ADGRL2: variants seen among roughly 807,000 people sequenced by gnomAD.
ADGRL2 encodes adhesion G protein-coupled receptor L2, also known as calcium-independent alpha-latrotoxin receptor 2.
Under a neutral mutation model 157.4 loss-of-function variants are expected in ADGRL2, and 44 were observed. The ratio of observed to expected loss-of-function variants is 0.28; its 90% CI spans 0.22 to 0.36. The LOEUF is 0.36. ADGRL2 is among the 10% of genes least tolerant of loss of function. The pLI, the probability that ADGRL2 is intolerant of heterozygous loss-of-function variation, is 1.00. For synonymous variants in ADGRL2, 585 were observed against 624.7 expected, an observed-to-expected ratio of 0.94 and a Z score of 0.95; for missense variants, 1,510 against 1,768.9, an observed-to-expected ratio of 0.85 and a Z score of 2.63.
At chr1:81,566,415 T>C (rs1215306573) in intron 2 of ADGRL2, among the ~76,000 whole-genome samples, 2 of 152,174 alleles carry the variant, frequency 1.3e-5, no homozygotes, top group Non-Finnish European at 2.9e-5. Context: ...AATAAAGTGA[T>C]GATTTATACT....
chr1:81,854,389 G>C (rs2093128294), intron 2 of ADGRL2, among the ~76,000 whole-genome samples: 2 of 152,150 alleles, frequency 1.3e-5, no homozygotes, highest in South Asian at 2.1e-4. Context: ...GGGAAAGACA[G>C]AAAGTATAAT....
At chr1:81,597,006 C>T (rs2081247683) in intron 3 of ADGRL2, among the ~76,000 whole-genome samples, 1 of 151,980 alleles carries the variant, frequency 6.6e-6, no homozygotes, top group African/African-American at 2.4e-5. Flanking sequence ...AAAATTCTAC[C>T]AAATAAGTAT....
intron 2 of ADGRL2, among the ~76,000 whole-genome samples, chr1:81,566,086 T>G (rs1200945785): frequency 1.3e-5 from 2 of 152,296 alleles, no homozygotes; most frequent in African/African-American, 4.8e-5. Context: ...ACATATTCTA[T>G]TTTTAGTAAT....
intron 2 of ADGRL2, among the ~76,000 whole-genome samples, chr1:81,473,935 G>A (rs533852232): frequency 9.9e-5 from 15 of 152,242 alleles, no homozygotes; most frequent in Non-Finnish European, 2.1e-4. Flanking sequence ...GGTATGTGGA[G>A]TTGAGTGTCC....
At chr1:81,815,589 TTATTAG>T (rs1557696115) in intron 1 of ADGRL2, among the ~76,000 whole-genome samples, 1 of 151,796 alleles carries the variant, frequency 6.6e-6, no homozygotes, top group African/African-American at 2.4e-5. Flanking sequence ...ATCAGAGTCT[TTATTAG>T]TATTATTACT....
chr1:81,337,132 C>T (rs1036843368), intron 1 of ADGRL2, among the ~76,000 whole-genome samples: 4 of 152,182 alleles, frequency 2.6e-5, no homozygotes, highest in Non-Finnish European at 4.4e-5. Flanking sequence ...TTCCAGCTCT[C>T]CATCCCTTCC....
Position 81,447,164 on chromosome 1 carries a change from T to G in ADGRL2, c.-248+2075T>G, listed in dbSNP as rs140213901. On this transcript the variant is annotated intron_variant, in intron 2 of 24. Transcript: ENST00000370721. ...CATATATTAATAATAGGTTATTTATTGAAGGAAAAAAGTCATTATAATAGA... is the reference window on the plus strand; with the variant it reads ...CATATATTAATAATAGGTTATTTATGGAAGGAAAAAAGTCATTATAATAGA... Among the ~76,000 whole-genome samples the G allele has an allele frequency of 5.3e-5, 8 of 150,904 alleles. No individual in the cohort carries two copies. In the East Asian group the frequency reaches 1.5e-3, roughly 29 times the overall value.
At chr1:81,387,537 T>C (rs1296390245) in intron 1 of ADGRL2, among the ~76,000 whole-genome samples, 1 of 152,190 alleles carries the variant, frequency 6.6e-6, no homozygotes, top group African/African-American at 2.4e-5. Flanking sequence ...AGGTAAGTAC[T>C]GTTATTGTCC....
At chr1:81,457,854 T>C (rs547250682) in intron 2 of ADGRL2, among the ~76,000 whole-genome samples, 16 of 152,332 alleles carry the variant, frequency 1.1e-4, no homozygotes, top group Non-Finnish European at 1.6e-4. Flanking sequence ...AGAATCATTA[T>C]TGATGTCATT....
intron 2 of ADGRL2, among the ~76,000 whole-genome samples, chr1:81,904,747 A>G (rs1466297554): frequency 1.3e-5 from 2 of 152,192 alleles, no homozygotes; most frequent in Non-Finnish European, 2.9e-5. Flanking sequence ...GTCTCTACTA[A>G]GAATACAAAA....
intron 1 of ADGRL2, among the ~76,000 whole-genome samples, chr1:81,335,966 A>T (rs1466057745): frequency 6.6e-6 from 1 of 152,214 alleles, no homozygotes; most frequent in East Asian, 1.9e-4. Flanking sequence ...TGGAATCTAG[A>T]TTCCAAAAAT....
At chr1:81,841,912 A>C (rs934307988) in intron 2 of ADGRL2, among the ~76,000 whole-genome samples, 4 of 152,348 alleles carry the variant, frequency 2.6e-5, no homozygotes, top group Admixed American at 2.6e-4. Flanking sequence ...CATAATAATG[A>C]TATTCACAGA....
At chr1:81,687,740 C>T (rs1273547278) in intron 3 of ADGRL2, among the ~76,000 whole-genome samples, 1 of 151,960 alleles carries the variant, frequency 6.6e-6, no homozygotes, top group Non-Finnish European at 1.5e-5. Flanking sequence ...TGCTTTTTAG[C>T]TTATATTCTT....
intron 3 of ADGRL2, among the ~76,000 whole-genome samples, chr1:81,659,783 A>T (rs986781043): frequency 1.3e-5 from 2 of 152,220 alleles, no homozygotes; most frequent in Non-Finnish European, 2.9e-5. Context: ...AATGCCCTGT[A>T]ACTGAATTTA....
intron 1 of ADGRL2, among the ~76,000 whole-genome samples, chr1:81,380,960 T>C (rs1039595895): frequency 1.2e-4 from 18 of 152,130 alleles, no homozygotes; most frequent in Admixed American, 9.8e-4. Context: ...TAAGGTTCCA[T>C]CATCTCATTT....
intron 6 of ADGRL2, among the ~76,000 whole-genome samples, chr1:81,947,256 A>G (rs991105436): frequency 3.3e-5 from 5 of 152,128 alleles, no homozygotes; most frequent in African/African-American, 1.2e-4. Context: ...GCCATGTTTC[A>G]TTATGGAACT....
intron 1 of ADGRL2, among the ~76,000 whole-genome samples, chr1:81,327,970 G>A (rs1661011668): frequency 6.6e-6 from 1 of 152,120 alleles, no homozygotes. Context: ...AGCTGACCCT[G>A]CACCATGGTG....
chr1:81,603,748 A>C (rs529104227), intron 3 of ADGRL2, among the ~76,000 whole-genome samples: 7 of 117,160 alleles, frequency 6.0e-5, no homozygotes, highest in African/African-American at 1.8e-4. Context: ...TTTTATGCCC[A>C]AAAAAAAGGA....
At chr1:81,896,582 A>T (rs1476846941) in intron 2 of ADGRL2, among the ~76,000 whole-genome samples, 5 of 152,128 alleles carry the variant, frequency 3.3e-5, no homozygotes, top group African/African-American at 9.6e-5. Context: ...TATATATATA[A>T]AAGTTAAAAC....
Sources: gnomAD v4.1 joint callset for allele counts (sites outside exome capture counted in the v4.1 genomes callset) on GRCh38, gnomAD v4.1.1 for gene constraint, MANE v1.5 for transcripts, NCBI Gene and HGNC (gene_info 2026-07-23, HGNC 2026-07-21) for gene names.